Variants in DGAT2 observed in about 807,000 individuals in gnomAD.
DGAT2 encodes the protein acyl-CoA retinol O-fatty-acyltransferase.
DGAT2 carries 33 observed loss-of-function variants against 48.4 expected under a neutral mutation model. That is an observed-to-expected ratio of 0.68 (90% CI 0.52 to 0.91). The LOEUF (loss-of-function observed/expected upper bound fraction) is 0.91. Among genes scored for constraint, DGAT2 ranks in the 40% least tolerant of loss-of-function variants. The pLI is 0.00. For missense variants in DGAT2, 446 were observed against 493.7 expected, an observed-to-expected ratio of 0.90 and a Z score of 0.92; for synonymous variants, 191 against 194.1, an observed-to-expected ratio of 0.98 and a Z score of 0.13.
chr11:75,797,083 A>G, intron 5 of DGAT2, 75 bp from the exon 6 acceptor site: 1 of 1,399,160 alleles, frequency 7.1e-7, no homozygotes, highest in South Asian at 1.6e-5. Context: ...TTTATGTTTT[A>G]TACCTGACTG....
intron 1 of DGAT2, chr11:75,776,713 G>A (rs1454424319): frequency 5.3e-5 from 8 of 152,192 alleles, no homozygotes. Context: ...GATTCTAATA[G>A]CAGTGGGCAT....
chr11:75,773,455 G>A (rs969271585), intron 1 of DGAT2, among the ~76,000 whole-genome samples: 3 of 152,192 alleles, frequency 2.0e-5, no homozygotes, highest in Non-Finnish European at 4.4e-5. Flanking sequence ...CCTCTCTGGG[G>A]ATCTCACTCC....
intron 1 of DGAT2, among the ~76,000 whole-genome samples, chr11:75,780,890 T>C (rs1304355780): frequency 1.3e-5 from 2 of 152,242 alleles, no homozygotes; most frequent in Non-Finnish European, 2.9e-5. Context: ...GGGCCTCTTG[T>C]GCATCATACC....
At chr11:75,771,020 G>T (rs1248013918) in intron 1 of DGAT2, among the ~76,000 whole-genome samples, 1 of 152,120 alleles carries the variant, frequency 6.6e-6, no homozygotes, top group Non-Finnish European at 1.5e-5. Context: ...GGCCTAGTTT[G>T]CCTCTGTGGG....
chr11:75,780,915 G>A (rs1944856572), intron 1 of DGAT2, among the ~76,000 whole-genome samples: 1 of 152,240 alleles, frequency 6.6e-6, no homozygotes, highest in African/African-American at 2.4e-5. Context: ...ACTCAGCCCT[G>A]CATGGAGGGA....
chr11:75,792,624 T>G (rs928497166), intron 4 of DGAT2: 1 of 151,044 alleles, frequency 6.6e-6, no homozygotes, highest in South Asian at 2.1e-4. Context: ...TGGCCCAGAG[T>G]GTATCCCTTC....
chr11:75,780,240 TCTG>T (rs1255450908), intron 1 of DGAT2, among the ~76,000 whole-genome samples: 1 of 152,152 alleles, frequency 6.6e-6, no homozygotes, highest in African/African-American at 2.4e-5. Flanking sequence ...CCCACCAGCT[TCTG>T]CTGGACTCCT....
At chr11:75,772,122 G>A (rs1944765102) in intron 1 of DGAT2, among the ~76,000 whole-genome samples, 1 of 152,192 alleles carries the variant, frequency 6.6e-6, no homozygotes, top group South Asian at 2.1e-4. Context: ...TGCATTGTAG[G>A]TGCTCAGTGG....
intron 1 of DGAT2, among the ~76,000 whole-genome samples, chr11:75,777,880 C>T (rs1944817616): frequency 6.6e-6 from 1 of 152,200 alleles, no homozygotes; most frequent in Admixed American, 6.5e-5. Flanking sequence ...TTCTTCATAG[C>T]TCTCGTCGCT....
chr11:75,781,534 C>G (rs1174263040), intron 1 of DGAT2, among the ~76,000 whole-genome samples: 1 of 152,272 alleles, frequency 6.6e-6, no homozygotes, highest in Non-Finnish European at 1.5e-5. Context: ...TCTCCAGGAG[C>G]CTCCCAACTC....
At chr11:75,775,406 G>T (rs1428131310) in intron 1 of DGAT2, among the ~76,000 whole-genome samples, 2 of 152,216 alleles carry the variant, frequency 1.3e-5, no homozygotes, top group Non-Finnish European at 2.9e-5. Flanking sequence ...TCCCCTTTGG[G>T]CCAGATGTCC....
At chr11:75,770,924 G>T (rs1175761084) in intron 1 of DGAT2, among the ~76,000 whole-genome samples, 1 of 152,134 alleles carries the variant, frequency 6.6e-6, no homozygotes, top group Non-Finnish European at 1.5e-5. Flanking sequence ...GTGGAGTAGG[G>T]GAGGGCACTG....
At chr11:75,773,675 G>A (rs1390877151) in intron 1 of DGAT2, 1 of 152,264 alleles carries the variant, frequency 6.6e-6, no homozygotes, top group East Asian at 1.9e-4. Context: ...AAGGGACTTG[G>A]GGTGTGGACC....
chr11:75,789,788 G>A (rs1442923176), intron 2 of DGAT2, among the ~76,000 whole-genome samples: 3 of 152,028 alleles, frequency 2.0e-5, no homozygotes, highest in African/African-American at 7.3e-5. Flanking sequence ...CCAGTCTTGA[G>A]ATGCAGAGGC....
intron 1 of DGAT2, among the ~76,000 whole-genome samples, chr11:75,770,536 G>A (rs1426673249): frequency 1.3e-5 from 2 of 152,116 alleles, no homozygotes; most frequent in Non-Finnish European, 2.9e-5. Context: ...ACTTGCCCTT[G>A]TTCATGCTGT....
rs1446691671 is a variant in DGAT2 at position 75,801,014 on chromosome 11, G to A, written c.*506G>A. ...GTGTGAGGGCAGTAGTAGGCATCTG[G>A]AATGCTCCAGTTTGATCTCCCTTCT... On this transcript the variant is annotated 3_prime_UTR_variant, in exon 8 of 8. Coordinates refer to ENST00000228027, the MANE Select transcript of DGAT2 (RefSeq NM_032564.5). 6.2e-6 allele frequency: 1 copy of A among 161,098 alleles called. No homozygotes were observed. The highest frequency in any genetic ancestry group is 2.4e-5 in the African/African-American group (1 of 41,448). The allele number at this position is 161,098 out of a possible 1,614,324, so 10.0% of individuals were successfully genotyped here.
chr11:75,777,784 T>C (rs1178291050), intron 1 of DGAT2, among the ~76,000 whole-genome samples: 1 of 152,238 alleles, frequency 6.6e-6, no homozygotes, highest in African/African-American at 2.4e-5. Context: ...TGTCTACCAG[T>C]GCTTCGCCAT....
intron 1 of DGAT2, among the ~76,000 whole-genome samples, chr11:75,772,048 T>TAA (rs1301971947): frequency 1.3e-5 from 2 of 152,198 alleles, no homozygotes; most frequent in Non-Finnish European, 2.9e-5. Flanking sequence ...TCCCAGTCTG[T>TAA]GGCCTGACTC....
intron 1 of DGAT2, among the ~76,000 whole-genome samples, chr11:75,782,863 C>A (rs1026538277): frequency 6.6e-6 from 1 of 152,216 alleles, no homozygotes; most frequent in Non-Finnish European, 1.5e-5. Flanking sequence ...CCGCCTACTG[C>A]CTGGGTAGCC....
Sources: gnomAD v4.1 joint callset for allele counts (sites outside exome capture counted in the v4.1 genomes callset) on GRCh38, gnomAD v4.1.1 for gene constraint, MANE v1.5 for transcripts, NCBI Gene and HGNC (gene_info 2026-07-23, HGNC 2026-07-21) for gene names.